ACRV1: variants seen among roughly 807,000 people sequenced by gnomAD.
ACRV1 encodes the protein acrosomal vesicle protein 1.
ACRV1 carries 17 observed loss-of-function variants against 29.2 expected under a neutral mutation model. The observed-to-expected ratio is 0.58, with a 90% CI of 0.40 to 0.87. The LOEUF is 0.87. Among genes scored for constraint, ACRV1 ranks in the 40% least tolerant of loss-of-function variants. The pLI is 0.00. For missense variants in ACRV1, 294 were observed against 316.0 expected (o/e 0.93, Z 0.53); for synonymous variants, 98 against 111.6 (o/e 0.88, Z 0.77).
intron 3 of ACRV1, among the ~76,000 whole-genome samples, chr11:125,673,642 A>G (rs544813799): frequency 1.2e-4 from 18 of 152,180 alleles, no homozygotes; most frequent in Non-Finnish European, 2.4e-4. Context: ...CTCCATGCCA[A>G]TATGCTAAGG....
chr11:125,674,670 G>A (rs1417031016), intron 3 of ACRV1, among the ~76,000 whole-genome samples: 3 of 152,282 alleles, frequency 2.0e-5, no homozygotes, highest in Non-Finnish European at 2.9e-5. Context: ...CTGAAGAAGC[G>A]CTTTGACCAA....
chr11:125,678,348 T>C, intron 1 of ACRV1, 51 bp from the exon 2 acceptor site: 2 of 1,582,936 alleles, frequency 1.3e-6, no homozygotes, highest in Non-Finnish European at 1.7e-6. Context: ...CAGAATGGGA[T>C]AAAGACTATC....
At chr11:125,676,699 TTC>T (rs139088797) in intron 2 of ACRV1, among the ~76,000 whole-genome samples, 7,156 of 152,228 alleles carry the variant, frequency 0.047, 212 homozygotes, top group Middle Eastern at 0.088. Flanking sequence ...AATCCCAAAT[TTC>T]TCTCTCTAAT....
chr11:125,678,206 G>A lies in ACRV1; in HGVS notation c.144C>T (p.Asn48=), dbSNP rs759828113. 6.2e-7 allele frequency: 1 copy of A among 1,614,188 alleles called. No individual in the cohort carries two copies. Among genetic ancestry groups the A allele is most frequent in the Non-Finnish European group, 8.5e-7 (1 of 1,180,022 alleles). ...QLPGEFFSLE[N]PSDAEALYET... ...CATATAAAGCCTCAGCATCAGAAGG[G>A]TTTTCAAGTGAAAAGAACTCACCTG... The change falls in exon 2 of 4, where the codon AAC becomes AAT. Residue 48 remains asparagine, a synonymous_variant. Transcript: ENST00000533904.
Position 125,678,080 on chromosome 11 carries a change from C to T in ACRV1, c.270G>A (p.Glu90=). The change falls in exon 2 of 4, where the codon GAG becomes GAA. Residue 90 remains glutamate, a synonymous_variant. Coordinates refer to ENST00000533904, the MANE Select transcript of ACRV1 (RefSeq NM_001612.6). Reference sequence around the variant, plus strand: ...CGGGCTCACCTGAAGCATGCTCACTCTCAGCATGTTCTCCAGAAGTGTGCT... The same window carrying T: ...CGGGCTCACCTGAAGCATGCTCACTTTCAGCATGTTCTCCAGAAGTGTGCT... ...VAEHTSGEHA[E]SEHASGEPAA... The T allele has an allele frequency of 6.2e-7, 1 of 1,614,172 alleles. No homozygotes were observed. Among genetic ancestry groups the T allele is most frequent in the Non-Finnish European group, 8.5e-7 (1 of 1,180,022 alleles).
intron 3 of ACRV1, chr11:125,675,792 C>A (rs1191279177): frequency 6.5e-6 from 1 of 152,948 alleles, no homozygotes; most frequent in African/African-American, 2.4e-5. Context: ...CAACACATTG[C>A]TTTAATGGGA....
At chr11:125,678,352 G>T in intron 1 of ACRV1, 55 bp from the exon 2 acceptor site, 1 of 1,577,344 alleles carries the variant, frequency 6.3e-7, no homozygotes, top group East Asian at 2.2e-5. Flanking sequence ...ATGGGATAAA[G>T]ACTATCTTCC....
chr11:125,673,212 CTTTT>C (rs11434532), intron 3 of ACRV1, among the ~76,000 whole-genome samples: 1 of 126,840 alleles, frequency 7.9e-6, no homozygotes. Flanking sequence ...CTTTTCTTTT[CTTTT>C]TTTTTTTTGA....
chr11:125,680,596 CT>C (rs1226906734), intron 1 of ACRV1, 132 bp downstream of exon 1: 6 of 767,160 alleles, frequency 7.8e-6, no homozygotes, highest in Non-Finnish European at 8.6e-6. Context: ...CCGAGTTGGA[CT>C]TGTTTAGCTG....
At chr11:125,676,142 A>T (rs1008126653) in intron 3 of ACRV1, 2 of 499,420 alleles carry the variant, frequency 4.0e-6, no homozygotes, top group Non-Finnish European at 7.1e-6. Context: ...TCCTGACCTC[A>T]AGTGATCCAC....
intron 3 of ACRV1, among the ~76,000 whole-genome samples, chr11:125,675,034 A>C (rs1942424108): frequency 6.6e-6 from 1 of 152,182 alleles, no homozygotes; most frequent in Admixed American, 6.5e-5. Flanking sequence ...GTATCTCTTT[A>C]ATCTTGACTG....
rs1942750397 is a variant in ACRV1 at position 125,680,582 on chromosome 11, C to G, written c.52+147G>C. On this transcript the variant is annotated intron_variant, in intron 1 of 3. Coordinates refer to ENST00000533904, the MANE Select transcript of ACRV1 (RefSeq NM_001612.6). Reference sequence around the variant, plus strand: ...CTAGAGAAATCAACTGGTTCAGGAGCTCTCCGAGTTGGACTTGTTTAGCTG... The same window carrying G: ...CTAGAGAAATCAACTGGTTCAGGAGGTCTCCGAGTTGGACTTGTTTAGCTG... 1.5e-5 allele frequency: 10 copies of G among 679,180 alleles called. No individual in the cohort carries two copies. In the South Asian group the frequency reaches 1.9e-4, roughly 13 times the overall value. 42.1% of individuals were successfully genotyped at this position (679,180 alleles called of 1,614,324 possible).
At chr11:125,679,619 TG>T (rs745761798) in intron 1 of ACRV1, among the ~76,000 whole-genome samples, 3 of 152,234 alleles carry the variant, frequency 2.0e-5, no homozygotes, top group Non-Finnish European at 4.4e-5. Flanking sequence ...TTGATTAAAC[TG>T]AGCCACCTAG....
chr11:125,680,372 G>A (rs1942741740), intron 1 of ACRV1, among the ~76,000 whole-genome samples: 1 of 152,124 alleles, frequency 6.6e-6, no homozygotes, highest in Non-Finnish European at 1.5e-5. Context: ...ATCTTTCCTT[G>A]GCACATTAAC....
intron 1 of ACRV1, 53 bp downstream of exon 1, chr11:125,680,676 G>A: frequency 1.3e-6 from 2 of 1,518,882 alleles, no homozygotes; most frequent in Non-Finnish European, 1.8e-6. Flanking sequence ...GGCCTGAAAT[G>A]TCTTAAGGGA....
rs1379960748 is a variant in ACRV1 at position 125,672,061 on chromosome 11, GA to G, written c.*531del. 1 of 152,338 alleles carries G rather than the reference GA, an allele frequency of 6.6e-6. No individual in the cohort carries two copies. Among genetic ancestry groups the G allele is most frequent in the Non-Finnish European group, 1.5e-5 (1 of 68,190 alleles). 9.4% of individuals were successfully genotyped at this position (152,338 alleles called of 1,614,324 possible). On this transcript the variant is annotated 3_prime_UTR_variant, in exon 4 of 4. Coordinates refer to ENST00000533904, the MANE Select transcript of ACRV1 (RefSeq NM_001612.6). ...AGACTAGAAACTCTCAAGAGCCAAA[GA>G]AGAGTTGAGTTTTTGTATGCCATAA... is the stretch of plus-strand genomic sequence containing the variant.
chr11:125,677,675 G>A lies in ACRV1; in HGVS notation c.553+122C>T, dbSNP rs959768326. The stretch of plus-strand genomic sequence containing the variant: ...CGAGAACTAGAGAGACTTTGAGAGA[G>A]CTGTTTGTGAAGTGTTAACAATTCT... On this transcript the variant is annotated intron_variant, in intron 2 of 3. Transcript: ENST00000533904. The A allele has an allele frequency of 3.0e-6, 4 of 1,311,694 alleles. No individual in the cohort carries two copies. The African/African-American group carries it at 4.4e-5, about 15-fold the overall frequency. 81.3% of individuals were successfully genotyped at this position (1,311,694 alleles called of 1,614,324 possible).
intron 1 of ACRV1, among the ~76,000 whole-genome samples, chr11:125,678,978 T>TTTTATA (rs1555078664): frequency 4.5e-5 from 4 of 88,440 alleles, no homozygotes; most frequent in East Asian, 6.0e-4. Context: ...TCTAGGCATA[T>TTTTATA]TATATATATA....
chr11:125,678,790 G>A (rs1286569581), intron 1 of ACRV1, among the ~76,000 whole-genome samples: 6 of 151,532 alleles, frequency 4.0e-5, no homozygotes, highest in Admixed American at 2.0e-4. Context: ...AATTAAGGGC[G>A]GAAGAGTTAA....
Sources: allele counts gnomAD v4.1 joint callset (sites outside exome capture counted in the v4.1 genomes callset), GRCh38; gene constraint gnomAD v4.1.1; transcripts MANE v1.5; gene names NCBI Gene and HGNC (gene_info 2026-07-23, HGNC 2026-07-21).